Variants in NCLN observed in about 807,000 individuals in gnomAD.
NCLN encodes the protein BOS complex subunit NCLN.
NCLN carries 34 observed loss-of-function variants against 69.5 expected under a neutral mutation model. The ratio of observed to expected loss-of-function variants is 0.49; its 90% CI spans 0.37 to 0.65. The LOEUF (loss-of-function observed/expected upper bound fraction) is 0.65. NCLN is among the 30% of genes least tolerant of loss of function. The pLI is 0.00. For synonymous variants in NCLN, 393 were observed against 358.3 expected, an observed-to-expected ratio of 1.10 and a Z score of -1.09; for missense variants, 710 against 804.8, an observed-to-expected ratio of 0.88 and a Z score of 1.42.
intron 1 of NCLN, among the ~76,000 whole-genome samples, chr19:3,191,565 A>T (rs1248605347): frequency 6.6e-6 from 1 of 151,614 alleles, no homozygotes; most frequent in Non-Finnish European, 1.5e-5. Context: ...TTGTGGCTCA[A>T]CACAGGGGTT....
intron 1 of NCLN, among the ~76,000 whole-genome samples, chr19:3,188,863 C>G (rs1441793541): frequency 2.0e-5 from 3 of 152,238 alleles, no homozygotes; most frequent in African/African-American, 7.2e-5. Context: ...CCAGCACACC[C>G]CTCTGTGTCA....
At position 3,185,983 on chromosome 19, in the gene NCLN, GCCGTC is replaced by G; in HGVS notation, c.-40_-36del. 1 of 1,394,278 alleles carries G rather than the reference GCCGTC, an allele frequency of 7.2e-7. No individual in the cohort carries two copies. 86.4% of individuals were successfully genotyped at this position (1,394,278 alleles called of 1,614,324 possible). On this transcript the variant is annotated 5_prime_UTR_variant, in exon 1 of 15. Transcript: ENST00000246117. ...TGAGTCCGCGGGAGCCGCCGCCGCC[GCCGTC>G]CCGTCCCAGCTGCCGCCCCGCGCGG...
chr19:3,195,752 C>G (rs1416369047), intron 3 of NCLN, among the ~76,000 whole-genome samples: 1 of 151,982 alleles, frequency 6.6e-6, no homozygotes, highest in Non-Finnish European at 1.5e-5. Context: ...GTTTGCGTCA[C>G]TGTACTCCAG....
Position 3,206,165 on chromosome 19 carries a change from A to G in NCLN, c.1310A>G (p.Asp437Gly). The change falls in exon 11 of 15, where the codon GAC becomes GGC. Residue 437 changes from aspartate (D) to glycine (G), a missense_variant. Transcript: ENST00000246117. ...YNLTEKGTPP[D>G]MPVFTEQMQI... is the part of the protein sequence containing the mutation. ...CTCTCTCCGCAGGGGACACCCCCAG[A>G]CATGCCGGTGTTCACAGAGCAGATG... 1 of 1,454,464 alleles carries G rather than the reference A, an allele frequency of 6.9e-7. No homozygotes were observed. Among genetic ancestry groups the G allele is most frequent in the Non-Finnish European group, 9.2e-7 (1 of 1,092,562 alleles). 90.1% of individuals were successfully genotyped at this position (1,454,464 alleles called of 1,614,324 possible). A position where few individuals can be genotyped will look rare whatever the true frequency, so the allele number is the denominator to read the frequency against.
In NCLN at chr19:3,206,422, A is replaced by G. The variant is rs1278363156; in HGVS notation, c.1496A>G (p.Lys499Arg). The G allele has an allele frequency of 3.9e-6, 6 of 1,546,492 alleles. No homozygotes were observed. The highest frequency in any genetic ancestry group is 1.4e-5 in the African/African-American group (1 of 73,114). ...AAGCAGCACCACGTCAAGGCTGACA[A>G]GCGGTGAGGCTGGGGCTCCGCGCTG... ...DVKQHHVKAD[K>R]RDPEFVFYDQ... Residue 499 changes from lysine to arginine, a missense_variant, in exon 12 of 15, where the codon AAG becomes AGG. By Grantham distance (26) the Lys-to-Arg change is conservative. Transcript: ENST00000246117.
At position 3,207,940 on chromosome 19, in the gene NCLN, A is replaced by G. The variant is rs1916319849; in HGVS notation, c.*252A>G. 1.6e-5 allele frequency: 8 copies of G among 514,074 alleles called. No individual in the cohort carries two copies. The highest frequency in any genetic ancestry group is 5.1e-5 in the South Asian group (2 of 39,412). 31.8% of individuals were successfully genotyped at this position (514,074 alleles called of 1,614,324 possible). ...TTGGGAGACGTCCCGGGGCCAGGCT[A>G]CGGACTTGCGGACGAGCCCCCCAGT... On this transcript the variant is annotated 3_prime_UTR_variant, in exon 15 of 15. Transcript: ENST00000246117.
intron 4 of NCLN, 54 bp downstream of exon 4, chr19:3,196,331 C>A (rs1470200446): frequency 6.8e-6 from 9 of 1,318,722 alleles, no homozygotes; most frequent in Non-Finnish European, 9.4e-6. Context: ...TTCCTGCCAT[C>A]CGCCTGGCTC....
chr19:3,204,669 G>A lies in NCLN; in HGVS notation c.1126G>A (p.Ala376Thr), dbSNP rs779583401. Residue 376 changes from alanine to threonine, a missense_variant, in exon 9 of 15, where the codon GCC (alanine) becomes ACC (threonine). Coordinates refer to ENST00000246117, the MANE Select transcript of NCLN (RefSeq NM_020170.4). ...DVLAWEHERF[A>T]IRRLPAFTLS... ...GCTGGCCTGGGAGCACGAGCGCTTCGCCATCCGCCGACTGCCCGCCTTCAC... is the reference window on the plus strand; with the variant it reads ...GCTGGCCTGGGAGCACGAGCGCTTCACCATCCGCCGACTGCCCGCCTTCAC... 7.5e-6 allele frequency: 12 copies of A among 1,608,758 alleles called. No homozygotes were observed. The highest frequency in any genetic ancestry group is 2.2e-5 in the South Asian group (2 of 90,578).
Position 3,198,859 on chromosome 19 carries a change from G to C in NCLN, c.658G>C (p.Val220Leu), listed in dbSNP as rs1379716154. 4 of 1,566,748 alleles carry C rather than the reference G, an allele frequency of 2.6e-6. No homozygotes were observed. The highest frequency in any genetic ancestry group is 3.5e-6 in the Non-Finnish European group (4 of 1,156,796). Residue 220 changes from valine (V) to leucine (L), a missense_variant, in exon 5 of 15, where the codon GTC becomes CTC. Transcript: ENST00000246117. ...GLGGEDLPTI[V>L]IVAHYDAFGV... ...GGGCGGAGAGGACCTTCCCACCATCGTCATCGTGGCCCACTACGACGCCTT... is the reference window on the plus strand; with the variant it reads ...GGGCGGAGAGGACCTTCCCACCATCCTCATCGTGGCCCACTACGACGCCTT...
intron 1 of NCLN, among the ~76,000 whole-genome samples, chr19:3,191,794 C>T (rs1232655874): frequency 6.6e-6 from 1 of 152,216 alleles, no homozygotes; most frequent in Non-Finnish European, 1.5e-5. Flanking sequence ...ACTCTCTGGC[C>T]TGTTGTAGAA....
Position 3,205,915 on chromosome 19 carries a change from A to G in NCLN, c.1209-24A>G. On this transcript the variant is annotated intron_variant, in intron 9 of 14. Transcript: ENST00000246117. The surrounding 1 kb of genome is among the most constrained non-coding windows in gnomAD (Gnocchi z 4.6). ...TGCCTGGCCCAAAGTCCACATTTTA[A>G]AACATTGTTTTTGAATCGTGAAGGT... is the stretch of plus-strand genomic sequence containing the variant. The G allele has an allele frequency of 6.2e-7, 1 of 1,612,724 alleles. No homozygotes were observed. The highest frequency in any genetic ancestry group is 8.5e-7 in the Non-Finnish European group (1 of 1,179,260).
chr19:3,199,945 C>G (rs1339900967), intron 5 of NCLN, among the ~76,000 whole-genome samples: 1 of 151,906 alleles, frequency 6.6e-6, no homozygotes, highest in Non-Finnish European at 1.5e-5. Flanking sequence ...CATGATTTGC[C>G]CTCCTCAGCC....
chr19:3,202,953 G>A (rs1916165626), intron 6 of NCLN, among the ~76,000 whole-genome samples: 2 of 152,060 alleles, frequency 1.3e-5, no homozygotes, highest in Non-Finnish European at 2.9e-5. Flanking sequence ...GAAGATGGGG[G>A]TAGGGGGCGT....
chr19:3,189,425 A>C (rs1197228033), intron 1 of NCLN, among the ~76,000 whole-genome samples: 1 of 152,152 alleles, frequency 6.6e-6, no homozygotes, highest in African/African-American at 2.4e-5. Flanking sequence ...ATGCCCATCC[A>C]TTGGCATCTT....
intron 3 of NCLN, among the ~76,000 whole-genome samples, chr19:3,194,013 A>G (rs977635384): frequency 6.6e-6 from 1 of 152,212 alleles, no homozygotes; most frequent in African/African-American, 2.4e-5. Context: ...CGGGGCTGTC[A>G]TCAGCTACTG....
intron 13 of NCLN, 64 bp from the exon 14 acceptor site, chr19:3,207,327 G>GTCTA: frequency 6.2e-7 from 1 of 1,612,508 alleles, no homozygotes; most frequent in Non-Finnish European, 8.5e-7. Context: ...GCCCACGGGG[G>GTCTA]TCTAGGGGTT....
rs138436591 is a variant in NCLN, at chr19:3,207,267, C to T, written c.1553+16C>T. ...ATGCGTACAGGTGAGTGGTGGCCAG[C>T]GGGACCTGGAGCCCTTCACCCCCTA... On this transcript the variant is annotated intron_variant, in intron 13 of 14. Coordinates refer to ENST00000246117, the MANE Select transcript of NCLN (RefSeq NM_020170.4). The T allele has an allele frequency of 2.8e-4, 455 of 1,613,542 alleles. 5 individuals carry two copies. The East Asian group carries it at 8.0e-3, about 28-fold the overall frequency.
intron 3 of NCLN, among the ~76,000 whole-genome samples, chr19:3,193,818 G>A (rs971859001): frequency 6.6e-6 from 1 of 151,828 alleles, no homozygotes; most frequent in Admixed American, 6.6e-5. Context: ...TGGGTGCGTC[G>A]GCGGTGTCCT....
Position 3,206,348 on chromosome 19 carries a change from C to G in NCLN, c.1422C>G (p.Thr474=), listed in dbSNP as rs1273369684. 2.6e-6 allele frequency: 4 copies of G among 1,548,234 alleles called. No homozygotes were observed. The African/African-American group carries it at 4.1e-5, about 16-fold the overall frequency. Residue 474 remains threonine (T), a synonymous_variant, in exon 12 of 15, where the codon ACC becomes ACG. Transcript: ENST00000246117. The part of the protein sequence containing the change: ...RAAQLVDKDS[T]FLSTLEHHLS... ...CGCAGCTGGTGGACAAGGACAGCAC[C>G]TTCCTCAGCACGCTGGAGCACCACC...
Sources: allele counts gnomAD v4.1 joint callset (sites outside exome capture counted in the v4.1 genomes callset), GRCh38; gene constraint gnomAD v4.1.1; non-coding constraint Gnocchi (gnomAD v3.1); transcripts MANE v1.5; gene names NCBI Gene and HGNC (gene_info 2026-07-23, HGNC 2026-07-21).